Variants in PCDHGA8 observed in about 807,000 individuals in gnomAD.
PCDHGA8 encodes protocadherin gamma subfamily A, 8.
A neutral mutation model predicts 59.2 loss-of-function variants in PCDHGA8; 45 were observed. The observed-to-expected ratio is 0.76, with a 90% CI of 0.60 to 0.98. The LOEUF (loss-of-function observed/expected upper bound fraction) is 0.98. Among genes scored for constraint, PCDHGA8 ranks in the 50% least tolerant of loss-of-function variants. PCDHGA8 has a pLI of 0.00. For synonymous variants in PCDHGA8, 531 were observed against 519.0 expected (o/e 1.02, Z -0.32); for missense variants, 1,257 against 1,196.2 (o/e 1.05, Z -0.75).
chr5:141,420,176 C>CA (rs1162032152), intron 1 of PCDHGA8: 5 of 1,613,874 alleles, frequency 3.1e-6, no homozygotes, highest in Non-Finnish European at 4.2e-6. Flanking sequence ...ATCTGTTGAT[C>CA]ATTGTCCAGC....
intron 1 of PCDHGA8, chr5:141,415,164 G>A: frequency 1.9e-6 from 3 of 1,613,838 alleles, no homozygotes; most frequent in African/African-American, 2.7e-5. Flanking sequence ...CCACTGTCAC[G>A]CTCACCGTGG....
At chr5:141,415,701 T>C in intron 1 of PCDHGA8, 2 of 1,506,520 alleles carry the variant, frequency 1.3e-6, no homozygotes, top group Non-Finnish European at 1.8e-6. Context: ...AAAGTGTAAA[T>C]GCTAAAACAC....
Position 141,432,403 on chromosome 5 carries a change from G to A in PCDHGA8, c.2424+37166G>A, listed in dbSNP as rs1279890312. The A allele has an allele frequency of 6.2e-7, 1 of 1,614,242 alleles. No homozygotes were observed. The highest frequency in any genetic ancestry group is 8.5e-7 in the Non-Finnish European group (1 of 1,180,052). On this transcript the variant is annotated intron_variant, in intron 1 of 3. Coordinates refer to ENST00000398604, the MANE Select transcript of PCDHGA8 (RefSeq NM_032088.2). The surrounding 1 kb of genome is among the most constrained non-coding windows in gnomAD (Gnocchi z 6.0). ...CGCCCCTCAGCAGCAACGTGTCGTT[G>A]AGCCTGTTCGTGCTGGACCAGAACG...
At chr5:141,408,780 A>G (rs1304526612) in intron 1 of PCDHGA8, 1 of 1,612,372 alleles carries the variant, frequency 6.2e-7, no homozygotes, top group Non-Finnish European at 8.5e-7. Flanking sequence ...AAATACCCAG[A>G]GTTATCTCTG....
At chr5:141,498,958 A>T (rs1200201746) in intron 2 of PCDHGA8, among the ~76,000 whole-genome samples, 2 of 123,248 alleles carry the variant, frequency 1.6e-5, no homozygotes, top group Admixed American at 1.8e-4. Flanking sequence ...AAAGAGAGAG[A>T]GGGAGGGAGG....
Position 141,477,167 on chromosome 5 carries a change from G to C in PCDHGA8, c.2425-17640G>C. The C allele has an allele frequency of 6.2e-7, 1 of 1,614,166 alleles. No individual in the cohort carries two copies. Among genetic ancestry groups the C allele is most frequent in the South Asian group, 1.1e-5 (1 of 91,076 alleles). ...TGTGGATGTGAATGACAACGCCCCG[G>C]AGATCACAGTCACCTCCGTGTACAG... On this transcript the variant is annotated intron_variant, in intron 1 of 3. Coordinates refer to ENST00000398604, the MANE Select transcript of PCDHGA8 (RefSeq NM_032088.2). The surrounding 1 kb of genome is among the most constrained non-coding windows in gnomAD (Gnocchi z 4.9).
intron 1 of PCDHGA8, chr5:141,414,109 G>A: frequency 6.3e-7 from 1 of 1,592,288 alleles, no homozygotes; most frequent in Non-Finnish European, 8.6e-7. Context: ...AGAAAATCTA[G>A]ATTATGAAGA....
chr5:141,433,397 A>ATCTG (rs1179042498), intron 1 of PCDHGA8, among the ~76,000 whole-genome samples: 9 of 150,410 alleles, frequency 6.0e-5, no homozygotes, highest in Non-Finnish European at 1.0e-4. Context: ...CTATCTATCT[A>ATCTG]TCTATCTATT....
chr5:141,457,466 A>C (rs1404739941), intron 1 of PCDHGA8, among the ~76,000 whole-genome samples: 1 of 152,356 alleles, frequency 6.6e-6, no homozygotes, highest in East Asian at 1.9e-4. Context: ...ATTCACAGGA[A>C]TAAGCAGGGC....
At chr5:141,441,791 C>T in intron 1 of PCDHGA8, 1 of 390,714 alleles carries the variant, frequency 2.6e-6, no homozygotes, top group Non-Finnish European at 5.1e-6. Flanking sequence ...TGAATGACAA[C>T]GCACCGCGGG....
chr5:141,404,429 G>A (rs760246804), intron 1 of PCDHGA8: 1 of 1,613,682 alleles, frequency 6.2e-7, no homozygotes, highest in East Asian at 2.2e-5. Flanking sequence ...CTCCTTGGCA[G>A]AGGATACCAT....
At position 141,511,247 on chromosome 5, in the gene PCDHGA8, C is replaced by A; in HGVS notation, c.*74C>A. The A allele has an allele frequency of 1.3e-6, 2 of 1,577,162 alleles. No individual in the cohort carries two copies. The highest frequency in any genetic ancestry group is 1.7e-6 in the Non-Finnish European group (2 of 1,161,712). On this transcript the variant is annotated 3_prime_UTR_variant, in exon 4 of 4. Transcript: ENST00000398604. Reference sequence around the variant, plus strand: ...CAGCTTCTCCTTACCTGCACCCAGGCCTCAGAGTTTCAGGGCTAACCCCCA... The same window carrying A: ...CAGCTTCTCCTTACCTGCACCCAGGACTCAGAGTTTCAGGGCTAACCCCCA...
intron 2 of PCDHGA8, among the ~76,000 whole-genome samples, chr5:141,500,666 G>A (rs567881941): frequency 3.6e-4 from 55 of 152,250 alleles, no homozygotes; most frequent in African/African-American, 1.3e-3. Context: ...AGGCCATACT[G>A]TCCAACAGAA....
At chr5:141,403,589 A>ACGGCCT in intron 1 of PCDHGA8, 2 of 1,613,812 alleles carry the variant, frequency 1.2e-6, no homozygotes, top group Non-Finnish European at 1.7e-6. Context: ...CCTGGTCCTC[A>ACGGCCT]CGGCCTCGGA....
rs749528675 is a variant in PCDHGA8, at chr5:141,490,604, A to G, written c.2425-4203A>G. On this transcript the variant is annotated intron_variant, in intron 1 of 3. Coordinates refer to ENST00000398604, the MANE Select transcript of PCDHGA8 (RefSeq NM_032088.2). This position sits in a 1 kb window ranked among gnomAD's most constrained non-coding sequence, Gnocchi z 5.4. ...GTCAATGACAATGCACCCCGCTTCA[A>G]CCAGCAGCTTTACACTGCTTACATC... is the stretch of plus-strand genomic sequence containing the variant. 13 of 1,614,192 alleles carry G rather than the reference A, an allele frequency of 8.1e-6. No homozygotes were observed. Among genetic ancestry groups the G allele is most frequent in the Non-Finnish European group, 1.1e-5 (13 of 1,180,022 alleles).
intron 1 of PCDHGA8, among the ~76,000 whole-genome samples, chr5:141,450,008 T>A (rs78952430): frequency 4.8e-4 from 18 of 37,340 alleles, no homozygotes; most frequent in African/African-American, 6.8e-4. Context: ...CCATGTCTCT[T>A]TTTTTTTTTT....
At chr5:141,405,062 T>C in intron 1 of PCDHGA8, 1 of 1,613,918 alleles carries the variant, frequency 6.2e-7, no homozygotes, top group Non-Finnish European at 8.5e-7. Flanking sequence ...CTCCTGTGTC[T>C]TCCTCACCTT....
rs758172004 is a variant in PCDHGA8, at chr5:141,477,909, C to T, written c.2425-16898C>T. On this transcript the variant is annotated intron_variant, in intron 1 of 3. Transcript: ENST00000398604. This position sits in a 1 kb window ranked among gnomAD's most constrained non-coding sequence, Gnocchi z 4.9. ...GTGTCACGGGTGGTAGGCTGGGACGCGGATGCAGGGCACAATGCCTGGCTC... is the reference window on the plus strand; with the variant it reads ...GTGTCACGGGTGGTAGGCTGGGACGTGGATGCAGGGCACAATGCCTGGCTC... 2 of 1,614,166 alleles carry T rather than the reference C, an allele frequency of 1.2e-6. No individual in the cohort carries two copies. Among genetic ancestry groups the T allele is most frequent in the Admixed American group, 1.7e-5 (1 of 60,016 alleles).
Position 141,511,015 on chromosome 5 carries a change from C to A in PCDHGA8, c.2641C>A (p.Pro881Thr). Residue 881 changes from proline (P) to threonine (T), a missense_variant, in exon 4 of 4, where the codon CCC becomes ACC. Coordinates refer to ENST00000398604, the MANE Select transcript of PCDHGA8 (RefSeq NM_032088.2). ...GTMGLSARYG[P>T]QFTLQHVPDY... ...CATGGGATTGAGCGCCCGCTACGGA[C>A]CCCAGTTCACCCTGCAGCACGTGCC... 6.2e-7 allele frequency: 1 copy of A among 1,614,224 alleles called. No individual in the cohort carries two copies. The highest frequency in any genetic ancestry group is 8.5e-7 in the Non-Finnish European group (1 of 1,180,038).
Sources: gnomAD v4.1 joint callset for allele counts (sites outside exome capture counted in the v4.1 genomes callset) on GRCh38, gnomAD v4.1.1 for gene constraint, Gnocchi (gnomAD v3.1) non-coding constraint, MANE v1.5 for transcripts, NCBI Gene and HGNC (gene_info 2026-07-23, HGNC 2026-07-21) for gene names.